PCDH15: variants seen among roughly 807,000 people sequenced by gnomAD.
PCDH15 encodes the protein protocadherin-15.
PCDH15 carries 129 observed loss-of-function variants against 178.5 expected under a neutral mutation model. The observed-to-expected ratio is 0.72, with a 90% CI of 0.63 to 0.84. PCDH15 has a LOEUF of 0.84. PCDH15 is among the 40% of genes least tolerant of loss of function. The pLI, the probability that PCDH15 is intolerant of heterozygous loss-of-function variation, is 0.00. For synonymous variants in PCDH15, 800 were observed against 732.0 expected, an observed-to-expected ratio of 1.09 and a Z score of -1.50; for missense variants, 2,230 against 2,099.9, an observed-to-expected ratio of 1.06 and a Z score of -1.21.
At chr10:54,591,570 AT>A (rs1020693215) in intron 2 of PCDH15, among the ~76,000 whole-genome samples, 4 of 152,086 alleles carry the variant, frequency 2.6e-5, no homozygotes, top group Non-Finnish European at 5.9e-5. Context: ...AAGATATTAC[AT>A]TTGTGTTGTT....
chr10:55,043,602 C>A (rs975893867), intron 2 of PCDH15, among the ~76,000 whole-genome samples: 2 of 151,496 alleles, frequency 1.3e-5, no homozygotes, highest in Non-Finnish European at 2.9e-5. Flanking sequence ...CCCAGCTACT[C>A]GGGAGACTGA....
chr10:54,147,762 TTATA>T (rs2044133506), intron 14 of PCDH15, among the ~76,000 whole-genome samples: 1 of 152,060 alleles, frequency 6.6e-6, no homozygotes. Flanking sequence ...GACTTTGTTC[TTATA>T]AATAGCATTA....
At chr10:55,343,589 C>A (rs958082324) in intron 2 of PCDH15, among the ~76,000 whole-genome samples, 7 of 151,110 alleles carry the variant, frequency 4.6e-5, no homozygotes, top group African/African-American at 1.7e-4. Context: ...ATTCAAATAT[C>A]TGAAAAAGAG....
rs1840709075 is a variant in PCDH15, at chr10:55,503,953, A to T, written c.-156+123672T>A. On this transcript the variant is annotated intron_variant, in intron 2 of 5. Coordinates refer to the PCDH15 transcript ENST00000613346. ...GAAGGCTACATACTCTATGATTCCA[A>T]CTGTGTGACTTCTAGAATAGACAAA... Among the ~76,000 whole-genome samples the T allele has an allele frequency of 2.0e-5, 3 of 151,450 alleles. No homozygotes were observed. The South Asian group carries it at 6.2e-4, about 31-fold the overall frequency.
intron 2 of PCDH15, among the ~76,000 whole-genome samples, chr10:55,559,848 C>T (rs1477390254): frequency 1.3e-5 from 2 of 151,806 alleles, no homozygotes; most frequent in Non-Finnish European, 2.9e-5. Flanking sequence ...TTTTCAACAT[C>T]CTGTAGAGTT....
At chr10:55,347,419 G>A (rs1270208614) in intron 2 of PCDH15, among the ~76,000 whole-genome samples, 1 of 152,100 alleles carries the variant, frequency 6.6e-6, no homozygotes, top group African/African-American at 2.4e-5. Flanking sequence ...AAAGCCTCCT[G>A]AAACACATAA....
At chr10:54,776,831 G>A (rs778378358) in intron 1 of PCDH15, among the ~76,000 whole-genome samples, 1 of 152,114 alleles carries the variant, frequency 6.6e-6, no homozygotes, top group Non-Finnish European at 1.5e-5. Flanking sequence ...GGCATAGAGA[G>A]GACCAAGAAG....
intron 2 of PCDH15, among the ~76,000 whole-genome samples, chr10:55,464,250 C>A (rs1839780553): frequency 6.6e-6 from 1 of 152,006 alleles, no homozygotes; most frequent in African/African-American, 2.4e-5. Context: ...AACATCAGAA[C>A]AATGATGCTG....
intron 2 of PCDH15, among the ~76,000 whole-genome samples, chr10:54,917,811 C>G (rs1430969815): frequency 6.6e-6 from 1 of 152,014 alleles, no homozygotes; most frequent in African/African-American, 2.4e-5. Flanking sequence ...GTTTCCTTGA[C>G]AAATTTGTGC....
intron 2 of PCDH15, among the ~76,000 whole-genome samples, chr10:55,369,503 C>G (rs1845447246): frequency 6.6e-6 from 1 of 151,938 alleles, no homozygotes; most frequent in African/African-American, 2.4e-5. Flanking sequence ...GACAATGGAA[C>G]AGATTAACTA....
intron 1 of PCDH15, among the ~76,000 whole-genome samples, chr10:54,674,997 C>G (rs2094756488): frequency 6.6e-6 from 1 of 152,022 alleles, no homozygotes; most frequent in Admixed American, 6.6e-5. Context: ...TTAGTCTCTT[C>G]CTACAAATAC....
At chr10:54,746,894 G>A (rs902958152) in intron 1 of PCDH15, among the ~76,000 whole-genome samples, 1 of 152,202 alleles carries the variant, frequency 6.6e-6, no homozygotes, top group Non-Finnish European at 1.5e-5. Flanking sequence ...TGAGAGTACA[G>A]ATGGTCCCCA....
chr10:53,860,600 G>A (rs2079039091), intron 27 of PCDH15, among the ~76,000 whole-genome samples: 2 of 151,808 alleles, frequency 1.3e-5, no homozygotes, highest in African/African-American at 2.4e-5. Flanking sequence ...GCATGGTGGT[G>A]CATGCCTGTA....
intron 13 of PCDH15, among the ~76,000 whole-genome samples, chr10:54,171,298 C>T (rs2046879268): frequency 6.6e-6 from 1 of 152,196 alleles, no homozygotes; most frequent in South Asian, 2.1e-4. Flanking sequence ...ATACACCTCA[C>T]CAAGCTCAGC....
At chr10:54,622,020 G>A (rs2093363964) in intron 2 of PCDH15, among the ~76,000 whole-genome samples, 3 of 151,932 alleles carry the variant, frequency 2.0e-5, no homozygotes, top group Non-Finnish European at 4.4e-5. Flanking sequence ...GAGAATTTAA[G>A]TTTCCTTTGT....
chr10:54,630,983 T>C (rs2093685930), intron 2 of PCDH15, among the ~76,000 whole-genome samples: 1 of 152,158 alleles, frequency 6.6e-6, no homozygotes, highest in Non-Finnish European at 1.5e-5. Flanking sequence ...CGGAATGCTA[T>C]TATTAAAAAG....
intron 3 of PCDH15, among the ~76,000 whole-genome samples, chr10:54,403,847 ACT>A (rs1048016311): frequency 1.7e-4 from 26 of 151,436 alleles, no homozygotes; most frequent in African/African-American, 5.3e-4. Flanking sequence ...ACTGCCACAC[ACT>A]CACACACACA....
At chr10:55,057,253 G>A (rs1158955878) in intron 2 of PCDH15, among the ~76,000 whole-genome samples, 1 of 151,948 alleles carries the variant, frequency 6.6e-6, no homozygotes. Context: ...TTCCTTTAGT[G>A]GTTGTAATTT....
intron 26 of PCDH15, among the ~76,000 whole-genome samples, chr10:53,901,583 GGAT>G (rs2133639558): frequency 6.6e-6 from 1 of 152,116 alleles, no homozygotes; most frequent in East Asian, 1.9e-4. Context: ...TTTTTATATT[GGAT>G]GATGTCATAA....
Sources: gnomAD v4.1 joint callset for allele counts (sites outside exome capture counted in the v4.1 genomes callset) on GRCh38, gnomAD v4.1.1 for gene constraint, MANE v1.5 for transcripts, NCBI Gene and HGNC (gene_info 2026-07-23, HGNC 2026-07-21) for gene names.